The following PHACTR2 variants were observed in gnomAD, a reference collection of about 807,000 sequenced individuals.
The protein encoded by PHACTR2 is phosphatase and actin regulator 2.
Under a neutral mutation model 76.0 loss-of-function variants are expected in PHACTR2, and 30 were observed. The ratio of observed to expected loss-of-function variants is 0.39; its 90% confidence interval spans 0.30 to 0.54. PHACTR2 has a LOEUF of 0.54. PHACTR2 is among the 20% of genes least tolerant of loss of function. The pLI, the probability that PHACTR2 is intolerant of heterozygous loss-of-function variation, is 0.61. For synonymous variants in PHACTR2, 292 were observed against 292.5 expected, an observed-to-expected ratio of 1.00 and a Z score of 0.02; for missense variants, 696 against 781.1, an observed-to-expected ratio of 0.89 and a Z score of 1.30.
In PHACTR2 at chr6:143,659,145, C is replaced by T. The variant is rs920073497; in HGVS notation, c.13+50823C>T. On this transcript the variant is annotated intron_variant, in intron 1 of 11. Transcript: ENST00000305766. This position sits in a 1 kb window ranked among gnomAD's most constrained non-coding sequence, Gnocchi z 5.0. The stretch of plus-strand genomic sequence containing the variant: ...AGTGAGTGATGGGTGAATGTGAAAG[C>T]CTTGGATATTATTCTACACCACTAT... 5.9e-5 allele frequency among the ~76,000 whole-genome samples: 9 copies of T among 151,954 alleles called. No homozygotes were observed. The highest frequency in any genetic ancestry group is 1.7e-4 in the African/African-American group (7 of 41,368).
Position 143,599,023 on chromosome 6 carries a change from G to A in PHACTR2, c.217+61816G>A, listed in dbSNP as rs1775785476. Reference sequence around the variant, plus strand: ...ACAATGATGGCAGTGGGAGGAGTCAGAGAGGTCAGTCCCCAGTTAAATCAG... The same window carrying A: ...ACAATGATGGCAGTGGGAGGAGTCAAAGAGGTCAGTCCCCAGTTAAATCAG... On this transcript the variant is annotated intron_variant, in intron 1 of 11. Transcript: ENST00000367584. This position sits in a 1 kb window ranked among gnomAD's most constrained non-coding sequence, Gnocchi z 4.6. Among the ~76,000 whole-genome samples the A allele has an allele frequency of 6.6e-6, 1 of 152,200 alleles. No individual in the cohort carries two copies. The highest frequency in any genetic ancestry group is 2.4e-5 in the African/African-American group (1 of 41,456).
At chr6:143,725,382 A>G (rs1318423303) in intron 2 of PHACTR2, among the ~76,000 whole-genome samples, 1 of 149,670 alleles carries the variant, frequency 6.7e-6, no homozygotes, top group African/African-American at 2.5e-5. Context: ...TTGTATTTTT[A>G]GTAGAGACGG....
rs1474543699 is a variant in PHACTR2 at position 143,647,139 on chromosome 6, T to C, written c.13+38817T>C. ...TTATGGTGCCGGGTTGCTGTTGACCTACATTGATAATTGGAAATATTACAA... is the reference window on the plus strand; with the variant it reads ...TTATGGTGCCGGGTTGCTGTTGACCCACATTGATAATTGGAAATATTACAA... On this transcript the variant is annotated intron_variant, in intron 1 of 11. Transcript: ENST00000305766. The surrounding 1 kb of genome is among the most constrained non-coding windows in gnomAD (Gnocchi z 4.2). 6.6e-6 allele frequency among the ~76,000 whole-genome samples: 1 copy of C among 152,190 alleles called. No homozygotes were observed. The highest frequency in any genetic ancestry group is 2.4e-5 in the African/African-American group (1 of 41,446).
At chr6:143,673,001 AG>A (rs1410393174), upstream of PHACTR2, among the ~76,000 whole-genome samples, 22 of 152,188 alleles carry the variant, frequency 1.4e-4, no homozygotes, top group African/African-American at 5.1e-4. Flanking sequence ...CTGGGATTAC[AG>A]GCATGAGTCA....
rs1775209774 is a variant in PHACTR2, at chr6:143,558,319, T to C, written c.217+21112T>C. 6.6e-6 allele frequency among the ~76,000 whole-genome samples: 1 copy of C among 152,168 alleles called. No individual in the cohort carries two copies. The highest frequency in any genetic ancestry group is 1.5e-5 in the Non-Finnish European group (1 of 68,030). ...TGTTTTAAGAAAGAGTTTTCCCCTATTTACATGTAAAAATATGATAGGAGA... is the reference window on the plus strand; with the variant it reads ...TGTTTTAAGAAAGAGTTTTCCCCTACTTACATGTAAAAATATGATAGGAGA... On this transcript the variant is annotated intron_variant, in intron 1 of 11. Coordinates refer to the PHACTR2 transcript ENST00000367584. This position sits in a 1 kb window ranked among gnomAD's most constrained non-coding sequence, Gnocchi z 4.7.
intron 11 of PHACTR2, among the ~76,000 whole-genome samples, chr6:143,804,117 G>T (rs1223418236): frequency 6.6e-6 from 1 of 152,214 alleles, no homozygotes; most frequent in Non-Finnish European, 1.5e-5. Flanking sequence ...TCTGAGTTAT[G>T]AATTTGGGAA....
rs200080657 is a variant in PHACTR2 at position 143,684,908 on chromosome 6, G to C, written c.46+6699G>C. ...TATGTAAAAAATGGCATCTTATTTTGATTATGAGTGATGTAGGACATTTAT... is the reference window on the plus strand; with the variant it reads ...TATGTAAAAAATGGCATCTTATTTTCATTATGAGTGATGTAGGACATTTAT... On this transcript the variant is annotated intron_variant, in intron 1 of 12. Coordinates refer to ENST00000440869, the MANE Select transcript of PHACTR2 (RefSeq NM_001100164.2). This position sits in a 1 kb window ranked among gnomAD's most constrained non-coding sequence, Gnocchi z 4.3. Among the ~76,000 whole-genome samples the C allele has an allele frequency of 1.3e-5, 2 of 152,134 alleles. No individual in the cohort carries two copies. The highest frequency in any genetic ancestry group is 3.8e-4 in the East Asian group (2 of 5,206).
intron 1 of PHACTR2, among the ~76,000 whole-genome samples, chr6:143,682,898 A>T (rs1273500375): frequency 6.6e-6 from 1 of 152,150 alleles, no homozygotes; most frequent in East Asian, 1.9e-4. Context: ...ATCATGAAAG[A>T]TTGTTCAATT....
At chr6:143,657,628 G>A (rs1355661708) in intron 1 of PHACTR2, among the ~76,000 whole-genome samples, 1 of 152,216 alleles carries the variant, frequency 6.6e-6, no homozygotes, top group African/African-American at 2.4e-5. Context: ...TAGAAGCCAC[G>A]TCTTTTGAAA....
rs1430604180 is a variant in PHACTR2, at chr6:143,597,720, C to A, written c.217+60513C>A. 6.6e-6 allele frequency among the ~76,000 whole-genome samples: 1 copy of A among 152,176 alleles called. No individual in the cohort carries two copies. Among genetic ancestry groups the A allele is most frequent in the African/African-American group, 2.4e-5 (1 of 41,444 alleles). On this transcript the variant is annotated intron_variant, in intron 1 of 11. Transcript: ENST00000367584. The surrounding 1 kb of genome is among the most constrained non-coding windows in gnomAD (Gnocchi z 5.7). Reference sequence around the variant, plus strand: ...TCAGCATTGACCTAAACACTTCTTCCTTTAAGCCACTGAACATGCTGGACC... The same window carrying A: ...TCAGCATTGACCTAAACACTTCTTCATTTAAGCCACTGAACATGCTGGACC...
chr6:143,774,312 A>G lies in PHACTR2; in HGVS notation c.1589+97A>G. ...TGGGGTCATTGTGAATTCCTTATGT[A>G]CAGATACATCTGGCCTACTGGGTCT... On this transcript the variant is annotated intron_variant, in intron 8 of 12. Transcript: ENST00000440869. This position sits in a 1 kb window ranked among gnomAD's most constrained non-coding sequence, Gnocchi z 5.4. 1.8e-5 allele frequency: 17 copies of G among 922,872 alleles called. 1 individual carries two copies. The South Asian group carries it at 2.9e-4, about 16-fold the overall frequency. 57.2% of individuals were successfully genotyped at this position (922,872 alleles called of 1,614,324 possible). A position where few individuals can be genotyped will look rare whatever the true frequency, so the allele number is the denominator to read the frequency against.
rs1004045494 is a variant in PHACTR2, at chr6:143,800,762, C to T, written c.1846-6295C>T. On this transcript the variant is annotated intron_variant, in intron 11 of 12. Transcript: ENST00000440869. This position sits in a 1 kb window ranked among gnomAD's most constrained non-coding sequence, Gnocchi z 4.8. ...TATGATGTTAGCTGGTTATTTTGCCCGTTAGTTGATGCAGTTTCTTCCTAG... is the reference window on the plus strand; with the variant it reads ...TATGATGTTAGCTGGTTATTTTGCCTGTTAGTTGATGCAGTTTCTTCCTAG... Among the ~76,000 whole-genome samples, 5 of 152,050 alleles carry T rather than the reference C, an allele frequency of 3.3e-5. No individual in the cohort carries two copies. Among genetic ancestry groups the T allele is most frequent in the African/African-American group, 7.3e-5 (3 of 41,378 alleles).
In PHACTR2 at chr6:143,547,758, A is replaced by G. The variant is rs1179578789; in HGVS notation, c.217+10551A>G. 6.6e-6 allele frequency among the ~76,000 whole-genome samples: 1 copy of G among 152,192 alleles called. No homozygotes were observed. The highest frequency in any genetic ancestry group is 1.5e-5 in the Non-Finnish European group (1 of 68,038). On this transcript the variant is annotated intron_variant, in intron 1 of 11. Coordinates refer to the PHACTR2 transcript ENST00000367584. The surrounding 1 kb of genome is among the most constrained non-coding windows in gnomAD (Gnocchi z 4.2). ...CCGGGAAGGAGAGTGTGGCTTCATG[A>G]TACCTTGCGGCCAGGAACTGATACA... is the stretch of plus-strand genomic sequence containing the variant.
At position 143,765,838 on chromosome 6, in the gene PHACTR2, A is replaced by G. The variant is rs773651625; in HGVS notation, c.1232+40A>G. The G allele has an allele frequency of 1.3e-6, 2 of 1,493,920 alleles. No individual in the cohort carries two copies. The highest frequency in any genetic ancestry group is 1.8e-6 in the Non-Finnish European group (2 of 1,087,112). 92.5% of individuals were successfully genotyped at this position (1,493,920 alleles called of 1,614,324 possible). A position where few individuals can be genotyped will look rare whatever the true frequency, so the allele number is the denominator to read the frequency against. ...AAACCCCCTATTTTATCTGAGAACT[A>G]AAGATCACTAATATATTCTGTTGGA... is the stretch of plus-strand genomic sequence containing the variant. On this transcript the variant is annotated intron_variant, in intron 6 of 12. Transcript: ENST00000440869. This position sits in a 1 kb window ranked among gnomAD's most constrained non-coding sequence, Gnocchi z 4.1.
In PHACTR2 at chr6:143,556,605, C is replaced by T. The variant is rs1309513793; in HGVS notation, c.217+19398C>T. 6.6e-6 allele frequency among the ~76,000 whole-genome samples: 1 copy of T among 152,186 alleles called. No individual in the cohort carries two copies. Among genetic ancestry groups the T allele is most frequent in the Non-Finnish European group, 1.5e-5 (1 of 68,042 alleles). ...AGCATTCAAAAAATCAATCTAAACG[C>T]AGCCCTAGAGCAGCAATTCAGCTTC... On this transcript the variant is annotated intron_variant, in intron 1 of 11. Transcript: ENST00000367584. The surrounding 1 kb of genome is among the most constrained non-coding windows in gnomAD (Gnocchi z 4.3).
intron 1 of PHACTR2, among the ~76,000 whole-genome samples, chr6:143,565,119 C>G (rs1050193622): frequency 6.6e-6 from 1 of 152,152 alleles, no homozygotes; most frequent in Non-Finnish European, 1.5e-5. Context: ...CGAATCCATT[C>G]TCTCATTCTT....
At position 143,543,446 on chromosome 6, in the gene PHACTR2, C is replaced by T. The variant is rs1303555939; in HGVS notation, c.217+6239C>T. On this transcript the variant is annotated intron_variant, in intron 1 of 11. Transcript: ENST00000367584. This position sits in a 1 kb window ranked among gnomAD's most constrained non-coding sequence, Gnocchi z 4.7. ...GAAAGACAGGCCAATAAGCCAAAGA[C>T]CACAGTGCAATAAAGTATAAGCTAT... 1.3e-5 allele frequency among the ~76,000 whole-genome samples: 2 copies of T among 152,182 alleles called. No individual in the cohort carries two copies. The highest frequency in any genetic ancestry group is 4.8e-5 in the African/African-American group (2 of 41,438).
At position 143,738,073 on chromosome 6, in the gene PHACTR2, T is replaced by C. The variant is rs1458876558; in HGVS notation, c.215-10912T>C. Among the ~76,000 whole-genome samples the C allele has an allele frequency of 1.3e-5, 2 of 152,244 alleles. No individual in the cohort carries two copies. The highest frequency in any genetic ancestry group is 2.4e-5 in the African/African-American group (1 of 41,474). On this transcript the variant is annotated intron_variant, in intron 2 of 12. Transcript: ENST00000440869. This position sits in a 1 kb window ranked among gnomAD's most constrained non-coding sequence, Gnocchi z 4.0. The stretch of plus-strand genomic sequence containing the variant: ...TACCTGAGTTGGTGTTGTTTTAATA[T>C]GTATTGTTCATGGCTCAACTCAATA...
chr6:143,704,095 C>CTGTGTGTGTCTGTGTG (rs1554221241), intron 1 of PHACTR2, among the ~76,000 whole-genome samples: 2 of 144,128 alleles, frequency 1.4e-5, no homozygotes, highest in African/African-American at 2.6e-5. Flanking sequence ...GTGTGTGTGT[C>CTGTGTGTGTCTGTGTG]TGTGTGTGTG....
Sources: gnomAD v4.1 joint callset for allele counts (sites outside exome capture counted in the v4.1 genomes callset) on GRCh38, gnomAD v4.1.1 for gene constraint, Gnocchi (gnomAD v3.1) non-coding constraint, MANE v1.5 for transcripts, NCBI Gene and HGNC (gene_info 2026-07-23, HGNC 2026-07-21) for gene names.